The following NCAM2 variants were observed in gnomAD, a reference collection of about 807,000 sequenced individuals.
The protein encoded by NCAM2 is neural cell adhesion molecule 2, also known as N-CAM-2.
Under a neutral mutation model 98.1 loss-of-function variants are expected in NCAM2, and 30 were observed. The ratio of observed to expected loss-of-function variants is 0.31; its 90% CI spans 0.23 to 0.41. The LOEUF is 0.41. NCAM2 is among the 10% of genes least tolerant of loss of function. The pLI is 1.00. For synonymous variants in NCAM2, 368 were observed against 342.4 expected (o/e 1.07, Z -0.83); for missense variants, 867 against 1,005.8 (o/e 0.86, Z 1.87).
intron 10 of NCAM2, among the ~76,000 whole-genome samples, chr21:21,414,865 A>G (rs939852216): frequency 6.6e-6 from 1 of 152,196 alleles, no homozygotes; most frequent in Non-Finnish European, 1.5e-5. Flanking sequence ...GCATGAAAAC[A>G]ACATTAATAT....
chr21:21,421,067 T>A (rs1309848739), intron 11 of NCAM2, among the ~76,000 whole-genome samples: 3 of 151,740 alleles, frequency 2.0e-5, no homozygotes, highest in Non-Finnish European at 4.4e-5. Context: ...GATCCAGTAT[T>A]GTATATTGCC....
intron 5 of NCAM2, among the ~76,000 whole-genome samples, chr21:21,305,732 T>C (rs750773167): frequency 1.2e-4 from 19 of 152,116 alleles, no homozygotes; most frequent in South Asian, 2.1e-4. Context: ...GTTTTTCCTT[T>C]TCCTATTTTA....
intron 16 of NCAM2, 105 bp from the exon 17 acceptor site, chr21:21,534,432 T>G: frequency 2.1e-6 from 2 of 951,590 alleles, no homozygotes; most frequent in Non-Finnish European, 2.9e-6. Context: ...CCAAGTTGGA[T>G]TTATTTGGAG....
chr21:21,412,984 A>T (rs1440374314), intron 10 of NCAM2, among the ~76,000 whole-genome samples: 3 of 152,200 alleles, frequency 2.0e-5, no homozygotes, highest in Non-Finnish European at 4.4e-5. Context: ...GTTGTCAGTA[A>T]TAAATTTATT....
intron 1 of NCAM2, among the ~76,000 whole-genome samples, chr21:21,088,345 A>G (rs564263617): frequency 6.6e-6 from 1 of 152,326 alleles, no homozygotes; most frequent in South Asian, 2.1e-4. Context: ...ATATACTACT[A>G]TTCTTAACAT....
intron 5 of NCAM2, among the ~76,000 whole-genome samples, chr21:21,317,227 G>T (rs564671054): frequency 1.1e-4 from 16 of 152,190 alleles, no homozygotes; most frequent in East Asian, 1.9e-4. Context: ...GTGGTGACTG[G>T]ACATGGTGTC....
At chr21:21,023,356 T>A (rs1023993955) in intron 1 of NCAM2, among the ~76,000 whole-genome samples, 28 of 152,034 alleles carry the variant, frequency 1.8e-4, no homozygotes, top group African/African-American at 6.8e-4. Flanking sequence ...GAATCCCGTC[T>A]CTACTAAAAG....
chr21:21,412,412 C>T (rs78213304), intron 10 of NCAM2, among the ~76,000 whole-genome samples: 1,277 of 102,602 alleles, frequency 0.012, 17 homozygotes, highest in African/African-American at 0.038. Context: ...AGTGAGGAGG[C>T]GGGCAGTTCA....
intron 1 of NCAM2, among the ~76,000 whole-genome samples, chr21:21,063,136 C>CCTTAAAATA (rs2065355592): frequency 6.6e-6 from 1 of 151,572 alleles, no homozygotes; most frequent in Non-Finnish European, 1.5e-5. Flanking sequence ...AGGTAAATAG[C>CCTTAAAATA]CTTAAAATAT....
At chr21:21,493,168 T>C (rs1286195193) in intron 15 of NCAM2, among the ~76,000 whole-genome samples, 2 of 151,960 alleles carry the variant, frequency 1.3e-5, no homozygotes, top group Non-Finnish European at 2.9e-5. Context: ...TAGGATGTGG[T>C]ATGGTTCACT....
chr21:21,188,641 T>A (rs543744669), intron 1 of NCAM2, among the ~76,000 whole-genome samples: 2 of 152,232 alleles, frequency 1.3e-5, no homozygotes, highest in African/African-American at 4.8e-5. Flanking sequence ...TAGGGGCCCT[T>A]GGATTTTTAA....
intron 1 of NCAM2, among the ~76,000 whole-genome samples, chr21:21,240,490 T>G (rs1178393006): frequency 6.6e-6 from 1 of 152,214 alleles, no homozygotes; most frequent in African/African-American, 2.4e-5. Flanking sequence ...GTCAGTTTTC[T>G]GTCTCTTTAC....
At chr21:21,185,379 G>T (rs980344444) in intron 1 of NCAM2, among the ~76,000 whole-genome samples, 6 of 151,920 alleles carry the variant, frequency 3.9e-5, no homozygotes, top group African/African-American at 1.5e-4. Flanking sequence ...TTTTCTTCAG[G>T]TACTCAATTT....
chr21:21,211,483 G>A (rs981510492), intron 1 of NCAM2, among the ~76,000 whole-genome samples: 3 of 152,082 alleles, frequency 2.0e-5, no homozygotes, highest in African/African-American at 2.4e-5. Context: ...ACCATAAACC[G>A]CAGTTGCACT....
intron 1 of NCAM2, among the ~76,000 whole-genome samples, chr21:21,180,923 A>T (rs1429348044): frequency 6.6e-6 from 1 of 152,174 alleles, no homozygotes; most frequent in African/African-American, 2.4e-5. Flanking sequence ...ATTTCTCAGA[A>T]TTGTGTGGTA....
chr21:21,095,817 C>A (rs781096964), intron 1 of NCAM2, among the ~76,000 whole-genome samples: 1 of 151,600 alleles, frequency 6.6e-6, no homozygotes, highest in Non-Finnish European at 1.5e-5. Flanking sequence ...CATGAAGTGT[C>A]TTTCAGTGAG....
intron 1 of NCAM2, among the ~76,000 whole-genome samples, chr21:21,026,776 T>C (rs1018409860): frequency 6.6e-6 from 1 of 152,006 alleles, no homozygotes; most frequent in Admixed American, 6.6e-5. Flanking sequence ...GGAGAAAATA[T>C]CTATATTTTT....
chr21:21,014,092 A>C (rs1185303939), intron 1 of NCAM2, among the ~76,000 whole-genome samples: 1 of 152,224 alleles, frequency 6.6e-6, no homozygotes, highest in Non-Finnish European at 1.5e-5. Flanking sequence ...GGAATAATAC[A>C]GCTGGTGACT....
intron 1 of NCAM2, among the ~76,000 whole-genome samples, chr21:21,006,842 G>A (rs1015924377): frequency 3.9e-5 from 6 of 152,164 alleles, no homozygotes; most frequent in Non-Finnish European, 8.8e-5. Context: ...AGGCTACACT[G>A]TGGATCATAG....
Sources: gnomAD v4.1 joint callset for allele counts (sites outside exome capture counted in the v4.1 genomes callset) on GRCh38, gnomAD v4.1.1 for gene constraint, MANE v1.5 for transcripts, NCBI Gene and HGNC (gene_info 2026-07-23, HGNC 2026-07-21) for gene names.